Variants in GABRP observed in about 807,000 individuals in gnomAD.
The protein encoded by GABRP is gamma-aminobutyric acid type A receptor subunit pi, also known as gamma-aminobutyric acid receptor subunit pi.
A neutral mutation model predicts 47.8 loss-of-function variants in GABRP; 52 were observed. The observed-to-expected ratio is 1.09, with a 90% CI of 0.87 to 1.37. The LOEUF (loss-of-function observed/expected upper bound fraction) is 1.37. Among genes scored for constraint, GABRP ranks in the 40% most tolerant of loss-of-function variants. The pLI is 0.00. For missense variants in GABRP, 525 were observed against 542.8 expected, an observed-to-expected ratio of 0.97 and a Z score of 0.33; for synonymous variants, 221 against 205.8, an observed-to-expected ratio of 1.07 and a Z score of -0.63.
intron 6 of GABRP, among the ~76,000 whole-genome samples, chr5:170,798,343 C>T (rs913856299): frequency 6.6e-6 from 1 of 152,148 alleles, no homozygotes; most frequent in African/African-American, 2.4e-5. Flanking sequence ...GCCTGGCCTG[C>T]TGCAGAGTTT....
intron 7 of GABRP, among the ~76,000 whole-genome samples, chr5:170,806,094 G>T (rs537718477): frequency 6.6e-6 from 1 of 152,256 alleles, no homozygotes; most frequent in Non-Finnish European, 1.5e-5. Flanking sequence ...ACTTGCTAAT[G>T]AGTGCTCAAA....
intron 7 of GABRP, among the ~76,000 whole-genome samples, chr5:170,807,785 T>C (rs555519239): frequency 5.3e-5 from 8 of 152,302 alleles, no homozygotes; most frequent in South Asian, 4.1e-4. Context: ...TTTAATGGTA[T>C]AATTTCTCAT....
In GABRP at chr5:170,800,550, T is replaced by C. The variant is rs191008253; in HGVS notation, c.541+3002T>C. Among the ~76,000 whole-genome samples the C allele has an allele frequency of 2.3e-3, 349 of 152,288 alleles. 1 individual carries two copies. Among genetic ancestry groups the C allele is most frequent in the African/African-American group, 7.4e-3 (309 of 41,572 alleles). ...AGTAGAGAGGCTAGTGAGGAAAGAC[T>C]TCTTGGAGGAGGTAACAAAATGTGT... On this transcript the variant is annotated intron_variant, in intron 6 of 9. Coordinates refer to ENST00000265294, the MANE Select transcript of GABRP (RefSeq NM_014211.3).
chr5:170,805,609 C>T (rs952946470), intron 6 of GABRP, 107 bp from the exon 7 acceptor site: 404 of 1,250,372 alleles, frequency 3.2e-4, no homozygotes, highest in Non-Finnish European at 4.1e-4. Flanking sequence ...GGACTTATCA[C>T]TATGAAGAAA....
intron 1 of GABRP, among the ~76,000 whole-genome samples, chr5:170,784,478 G>A (rs1765079336): frequency 6.6e-6 from 1 of 151,894 alleles, no homozygotes; most frequent in Non-Finnish European, 1.5e-5. Flanking sequence ...AAGAGGCGGG[G>A]GAGACTGGGA....
intron 3 of GABRP, 116 bp from the exon 4 acceptor site, chr5:170,794,115 T>C (rs934936234): frequency 8.8e-6 from 5 of 568,972 alleles, no homozygotes. Context: ...ATATTTAAAT[T>C]TTTCTAACAA....
chr5:170,794,354 G>C (rs1765364378), intron 4 of GABRP, 56 bp downstream of exon 4: 1 of 1,009,322 alleles, frequency 9.9e-7, no homozygotes, highest in Non-Finnish European at 1.5e-6. Context: ...GTGTTTAAAG[G>C]GGATATGCTT....
intron 3 of GABRP, among the ~76,000 whole-genome samples, chr5:170,789,954 T>C (rs1765224316): frequency 6.6e-6 from 1 of 152,124 alleles, no homozygotes; most frequent in African/African-American, 2.4e-5. Context: ...CCTCCCCTGA[T>C]TCCTCCAGGC....
chr5:170,805,966 C>T (rs1268267531), intron 7 of GABRP, 113 bp downstream of exon 7: 11 of 1,201,518 alleles, frequency 9.2e-6, no homozygotes, highest in East Asian at 7.4e-5. Context: ...TGCAGTGGAG[C>T]GGGACAGTAG....
intron 6 of GABRP, among the ~76,000 whole-genome samples, chr5:170,805,247 G>T (rs934632543): frequency 6.6e-6 from 1 of 151,830 alleles, no homozygotes; most frequent in Non-Finnish European, 1.5e-5. Flanking sequence ...CTTATCTAAC[G>T]TGCATTTTTA....
intron 1 of GABRP, among the ~76,000 whole-genome samples, chr5:170,787,025 C>T (rs1765146995): frequency 6.6e-6 from 1 of 151,922 alleles, no homozygotes; most frequent in Admixed American, 6.6e-5. Flanking sequence ...TTTTTTAGAG[C>T]AATTTTGGGT....
rs1765829936 is a variant in GABRP, at chr5:170,809,647, G to A, written c.912G>A (p.Lys304=). The part of the protein sequence containing the change: ...TSLPNTNCFI[K]AIDVYLGICF... ...TTCCCAACACCAACTGCTTCATCAA[G>A]GCCATCGATGTGTACCTGGGGATCT... Residue 304 remains lysine (K), a synonymous_variant, in exon 9 of 10, where the codon AAG becomes AAA. Coordinates refer to ENST00000265294, the MANE Select transcript of GABRP (RefSeq NM_014211.3). 4 of 1,614,160 alleles carry A rather than the reference G, an allele frequency of 2.5e-6. No individual in the cohort carries two copies. Among genetic ancestry groups the A allele is most frequent in the Non-Finnish European group, 3.4e-6 (4 of 1,180,026 alleles).
intron 7 of GABRP, among the ~76,000 whole-genome samples, chr5:170,806,866 G>T (rs1459147452): frequency 6.6e-6 from 1 of 151,858 alleles, no homozygotes; most frequent in Non-Finnish European, 1.5e-5. Flanking sequence ...AAGGAAAGAT[G>T]ATTTTTTCTC....
intron 1 of GABRP, among the ~76,000 whole-genome samples, chr5:170,785,452 A>T (rs1177070683): frequency 6.6e-6 from 1 of 152,188 alleles, no homozygotes; most frequent in Non-Finnish European, 1.5e-5. Context: ...CTAACAATTC[A>T]TGGGCATTTA....
intron 6 of GABRP, among the ~76,000 whole-genome samples, chr5:170,804,867 A>C (rs1403600818): frequency 6.6e-6 from 1 of 151,690 alleles, no homozygotes; most frequent in Non-Finnish European, 1.5e-5. Context: ...AATGTGGGAA[A>C]ATCATTATAG....
intron 7 of GABRP, among the ~76,000 whole-genome samples, chr5:170,806,921 A>G (rs934145189): frequency 6.6e-6 from 1 of 151,318 alleles, no homozygotes; most frequent in African/African-American, 2.4e-5. Flanking sequence ...TTTTTCTTTT[A>G]TCTATTTACT....
At chr5:170,804,506 T>G (rs572188392) in intron 6 of GABRP, among the ~76,000 whole-genome samples, 143 of 152,352 alleles carry the variant, frequency 9.4e-4, no homozygotes, top group Non-Finnish European at 1.7e-3. Flanking sequence ...AGCTTCTGCA[T>G]GTGCTGGCCT....
chr5:170,794,468 GAGATTCTTGT>G, intron 4 of GABRP, 170 bp downstream of exon 4: 1 of 430,764 alleles, frequency 2.3e-6, no homozygotes, highest in Non-Finnish European at 4.1e-6. Context: ...AAGACAGTGG[GAGATTCTTGT>G]AGAGCAGATT....
intron 7 of GABRP, among the ~76,000 whole-genome samples, chr5:170,808,368 G>A (rs1185191262): frequency 6.6e-6 from 1 of 152,130 alleles, no homozygotes; most frequent in Non-Finnish European, 1.5e-5. Context: ...CACTGCTGTA[G>A]GAATACTGTG....
Sources: allele counts gnomAD v4.1 joint callset (sites outside exome capture counted in the v4.1 genomes callset), GRCh38; gene constraint gnomAD v4.1.1; transcripts MANE v1.5; gene names NCBI Gene and HGNC (gene_info 2026-07-23, HGNC 2026-07-21).